C11orf96: variants seen among roughly 807,000 people sequenced by gnomAD.
The protein encoded by C11orf96 is uncharacterized protein C11orf96.
C11orf96 carries 6 observed loss-of-function variants against 7.6 expected under a neutral mutation model. That is an observed-to-expected ratio of 0.79 (90% CI 0.43 to 1.55). C11orf96 has a LOEUF of 1.55. C11orf96 is among the 40% of genes most tolerant of loss of function. C11orf96 has a pLI of 0.01. For synonymous variants in C11orf96, 72 were observed against 79.0 expected, an observed-to-expected ratio of 0.91 and a Z score of 0.47; for missense variants, 150 against 167.3, an observed-to-expected ratio of 0.90 and a Z score of 0.57.
chr11:43,943,826 A>T lies in C11orf96; in HGVS notation c.*553A>T, dbSNP rs535968687. 1.5e-6 allele frequency: 2 copies of T among 1,300,436 alleles called. No individual in the cohort carries two copies. The highest frequency in any genetic ancestry group is 3.0e-5 in the African/African-American group (2 of 65,796). The allele number at this position is 1,300,436 out of a possible 1,614,324, so 80.6% of individuals were successfully genotyped here. On this transcript the variant is annotated 3_prime_UTR_variant, in exon 1 of 1. Transcript: ENST00000617612. This position sits in a 1 kb window ranked among gnomAD's most constrained non-coding sequence, Gnocchi z 4.8. Reference sequence around the variant, plus strand: ...TTTATTTAACGATCTTTTTACCTGGATATGTCTGTGAGGCTCCTGAAAGGA... The same window carrying T: ...TTTATTTAACGATCTTTTTACCTGGTTATGTCTGTGAGGCTCCTGAAAGGA...
chr11:43,943,108 G>T lies in C11orf96; in HGVS notation c.204G>T (p.Glu68Asp). Residue 68 changes from glutamate (E) to aspartate (D), a missense_variant, in exon 1 of 1, where the codon GAG becomes GAT. Physicochemically the swap from Glu to Asp is conservative, Grantham distance 45. Coordinates refer to ENST00000617612, the MANE Select transcript of C11orf96 (RefSeq NM_001145033.2). The surrounding 1 kb of genome is among the most constrained non-coding windows in gnomAD (Gnocchi z 4.8). Reference sequence around the variant, plus strand: ...TCGACGAGATCCAGGAGGTGGAGGAGGAGGGGGTGTCCCCCATGGAGGAGG... The same window carrying T: ...TCGACGAGATCCAGGAGGTGGAGGATGAGGGGGTGTCCCCCATGGAGGAGG... ...VTFDEIQEVE[E>D]EGVSPMEEEK... 6.7e-7 allele frequency: 1 copy of T among 1,500,376 alleles called. No individual in the cohort carries two copies. The highest frequency in any genetic ancestry group is 8.9e-7 in the Non-Finnish European group (1 of 1,123,716). The allele number at this position is 1,500,376 out of a possible 1,614,324, so 92.9% of individuals were successfully genotyped here.
In C11orf96 at chr11:43,943,304, T is replaced by G; in HGVS notation, c.*31T>G. ...GCCGCCCGCGGGGGGGACGCGCGCG[T>G]CCGCGGTCCGCGCGGGGACCGGCGT... is the stretch of plus-strand genomic sequence containing the variant. On this transcript the variant is annotated 3_prime_UTR_variant, in exon 1 of 1. Transcript: ENST00000617612. This position sits in a 1 kb window ranked among gnomAD's most constrained non-coding sequence, Gnocchi z 4.8. 52 of 1,440,008 alleles carry G rather than the reference T, an allele frequency of 3.6e-5. No homozygotes were observed. The highest frequency in any genetic ancestry group is 6.0e-5 in the East Asian group (2 of 33,064). The allele number at this position is 1,440,008 out of a possible 1,614,324, so 89.2% of individuals were successfully genotyped here. A position where few individuals can be genotyped will look rare whatever the true frequency, so the allele number is the denominator to read the frequency against.
In C11orf96 at chr11:43,942,874, G is replaced by A. The variant is rs754972803; in HGVS notation, c.-31G>A. Reference sequence around the variant, plus strand: ...CGCCCTCGGAGAGCCCCGGCGCCCCGCCGCCCGGCCCCGCAGACGCCGGAG... The same window carrying A: ...CGCCCTCGGAGAGCCCCGGCGCCCCACCGCCCGGCCCCGCAGACGCCGGAG... On this transcript the variant is annotated 5_prime_UTR_variant, in exon 1 of 1. Coordinates refer to ENST00000617612, the MANE Select transcript of C11orf96 (RefSeq NM_001145033.2). 4 of 1,265,030 alleles carry A rather than the reference G, an allele frequency of 3.2e-6. No homozygotes were observed. Among genetic ancestry groups the A allele is most frequent in the African/African-American group, 1.6e-5 (1 of 63,970 alleles). The allele number at this position is 1,265,030 out of a possible 1,614,324, so 78.4% of individuals were successfully genotyped here. A position where few individuals can be genotyped will look rare whatever the true frequency, so the allele number is the denominator to read the frequency against.
At position 43,943,343 on chromosome 11, in the gene C11orf96, G is replaced by C; in HGVS notation, c.*70G>C. On this transcript the variant is annotated 3_prime_UTR_variant, in exon 1 of 1. Coordinates refer to ENST00000617612, the MANE Select transcript of C11orf96 (RefSeq NM_001145033.2). The surrounding 1 kb of genome is among the most constrained non-coding windows in gnomAD (Gnocchi z 4.8). ...GGGGACCGGCGTGTGAACCCCGAGA[G>C]TGCCCGCGCCCTGCTCCCGGGGGAC... 4 of 1,405,714 alleles carry C rather than the reference G, an allele frequency of 2.8e-6. No homozygotes were observed. Among genetic ancestry groups the C allele is most frequent in the Non-Finnish European group, 2.8e-6 (3 of 1,086,768 alleles). The allele number at this position is 1,405,714 out of a possible 1,614,324, so 87.1% of individuals were successfully genotyped here.
At position 43,943,645 on chromosome 11, in the gene C11orf96, G is replaced by A. The variant is rs1355352412; in HGVS notation, c.*372G>A. 5.4e-6 allele frequency: 7 copies of A among 1,305,400 alleles called. No homozygotes were observed. The highest frequency in any genetic ancestry group is 2.3e-5 in the Admixed American group (1 of 43,620). 80.9% of individuals were successfully genotyped at this position (1,305,400 alleles called of 1,614,324 possible). On this transcript the variant is annotated 3_prime_UTR_variant, in exon 1 of 1. Coordinates refer to ENST00000617612, the MANE Select transcript of C11orf96 (RefSeq NM_001145033.2). This position sits in a 1 kb window ranked among gnomAD's most constrained non-coding sequence, Gnocchi z 4.8. ...CTCCGATTTTGCACACCGCTCCACC[G>A]TGCCCCCCAGCGCACACCCATTCAC... is the stretch of plus-strand genomic sequence containing the variant.
chr11:43,943,459 G>T lies in C11orf96; in HGVS notation c.*186G>T. On this transcript the variant is annotated 3_prime_UTR_variant, in exon 1 of 1. Coordinates refer to ENST00000617612, the MANE Select transcript of C11orf96 (RefSeq NM_001145033.2). The surrounding 1 kb of genome is among the most constrained non-coding windows in gnomAD (Gnocchi z 4.8). ...TGCGCCCCTCGCCGCGCTCGCCCTG[G>T]CCCGGGAGCGCCGGGAGCGGGGCCG... 7.1e-7 allele frequency: 1 copy of T among 1,417,978 alleles called. No homozygotes were observed. Among genetic ancestry groups the T allele is most frequent in the South Asian group, 1.2e-5 (1 of 82,032 alleles). 87.8% of individuals were successfully genotyped at this position (1,417,978 alleles called of 1,614,324 possible). A position where few individuals can be genotyped will look rare whatever the true frequency, so the allele number is the denominator to read the frequency against.
At position 43,943,301 on chromosome 11, in the gene C11orf96, G is replaced by A. The variant is rs764237230; in HGVS notation, c.*28G>A. On this transcript the variant is annotated 3_prime_UTR_variant, in exon 1 of 1. Coordinates refer to ENST00000617612, the MANE Select transcript of C11orf96 (RefSeq NM_001145033.2). The surrounding 1 kb of genome is among the most constrained non-coding windows in gnomAD (Gnocchi z 4.8). ...GGCGCCGCCCGCGGGGGGGACGCGC[G>A]CGTCCGCGGTCCGCGCGGGGACCGG... 6.9e-6 allele frequency: 10 copies of A among 1,454,270 alleles called. No individual in the cohort carries two copies. Among genetic ancestry groups the A allele is most frequent in the Non-Finnish European group, 9.0e-6 (10 of 1,108,550 alleles). 90.1% of individuals were successfully genotyped at this position (1,454,270 alleles called of 1,614,324 possible). A position where few individuals can be genotyped will look rare whatever the true frequency, so the allele number is the denominator to read the frequency against.
At position 43,942,954 on chromosome 11, in the gene C11orf96, C is replaced by T; in HGVS notation, c.50C>T (p.Ala17Val). ...ATGGGCATCTGCTCCAGTTACCAGG[C>T]GGTGATGCCGCACTTCGTGTGCCTG... ...ELMGICSSYQ[A>V]VMPHFVCLAD... Residue 17 changes from alanine to valine, a missense_variant, in exon 1 of 1, where the codon GCG (alanine) becomes GTG (valine). By Grantham distance (64) the Ala-to-Val change is moderately conservative (BLOSUM62 0). Coordinates refer to ENST00000617612, the MANE Select transcript of C11orf96 (RefSeq NM_001145033.2). 1 of 1,475,746 alleles carries T rather than the reference C, an allele frequency of 6.8e-7. No individual in the cohort carries two copies. 91.4% of individuals were successfully genotyped at this position (1,475,746 alleles called of 1,614,324 possible).
chr11:43,943,138 G>A lies in C11orf96; in HGVS notation c.234G>A (p.Lys78=). The change falls in exon 1 of 1, where the codon AAG becomes AAA. Residue 78 remains lysine, a synonymous_variant. Transcript: ENST00000617612. This position sits in a 1 kb window ranked among gnomAD's most constrained non-coding sequence, Gnocchi z 4.8. ...EEGVSPMEEE[K]AKKSFLQSLE... is the part of the protein sequence containing the mutation. ...GGGTGTCCCCCATGGAGGAGGAGAA[G>A]GCCAAGAAGTCGTTCCTGCAGAGCC... The A allele has an allele frequency of 1.3e-6, 2 of 1,500,166 alleles. No individual in the cohort carries two copies. Among genetic ancestry groups the A allele is most frequent in the East Asian group, 2.7e-5 (1 of 36,572 alleles). The allele number at this position is 1,500,166 out of a possible 1,614,324, so 92.9% of individuals were successfully genotyped here. A position where few individuals can be genotyped will look rare whatever the true frequency, so the allele number is the denominator to read the frequency against.
Position 43,943,294 on chromosome 11 carries a change from G to T in C11orf96, c.*21G>T, listed in dbSNP as rs752814946. 1 of 1,462,198 alleles carries T rather than the reference G, an allele frequency of 6.8e-7. No individual in the cohort carries two copies. The highest frequency in any genetic ancestry group is 1.4e-5 in the South Asian group (1 of 72,488). 90.6% of individuals were successfully genotyped at this position (1,462,198 alleles called of 1,614,324 possible). On this transcript the variant is annotated 3_prime_UTR_variant, in exon 1 of 1. Transcript: ENST00000617612. This position sits in a 1 kb window ranked among gnomAD's most constrained non-coding sequence, Gnocchi z 4.8. Reference sequence around the variant, plus strand: ...TGTAAGGGGCGCCGCCCGCGGGGGGGACGCGCGCGTCCGCGGTCCGCGCGG... The same window carrying T: ...TGTAAGGGGCGCCGCCCGCGGGGGGTACGCGCGCGTCCGCGGTCCGCGCGG...
In C11orf96 at chr11:43,942,878, C is replaced by T. The variant is rs1565137543; in HGVS notation, c.-27C>T. ...CTCGGAGAGCCCCGGCGCCCCGCCGCCCGGCCCCGCAGACGCCGGAGGCGC... is the reference window on the plus strand; with the variant it reads ...CTCGGAGAGCCCCGGCGCCCCGCCGTCCGGCCCCGCAGACGCCGGAGGCGC... On this transcript the variant is annotated 5_prime_UTR_variant, in exon 1 of 1. Coordinates refer to ENST00000617612, the MANE Select transcript of C11orf96 (RefSeq NM_001145033.2). 1.6e-6 allele frequency: 2 copies of T among 1,289,160 alleles called. No homozygotes were observed. The highest frequency in any genetic ancestry group is 9.8e-7 in the Non-Finnish European group (1 of 1,018,930). The allele number at this position is 1,289,160 out of a possible 1,614,324, so 79.9% of individuals were successfully genotyped here. A position where few individuals can be genotyped will look rare whatever the true frequency, so the allele number is the denominator to read the frequency against.
Position 43,943,007 on chromosome 11 carries a change from C to A in C11orf96, c.103C>A (p.Pro35Thr), listed in dbSNP as rs1455776249. The change falls in exon 1 of 1, where the codon CCC becomes ACC. Residue 35 changes from proline (P) to threonine (T), a missense_variant. Pro to Thr is a conservative substitution (Grantham distance 38, BLOSUM62 -1). Coordinates refer to ENST00000617612, the MANE Select transcript of C11orf96 (RefSeq NM_001145033.2). This position sits in a 1 kb window ranked among gnomAD's most constrained non-coding sequence, Gnocchi z 4.8. ...CGACGAGTTCCCGCAGCCCGTGCGG[C>A]CCGCCAAGCTGCCCAAGGGCCGGGG... ...LADEFPQPVR[P>T]AKLPKGRGRL... 1.3e-6 allele frequency: 2 copies of A among 1,505,568 alleles called. No individual in the cohort carries two copies. Among genetic ancestry groups the A allele is most frequent in the East Asian group, 5.6e-5 (2 of 35,600 alleles). 93.3% of individuals were successfully genotyped at this position (1,505,568 alleles called of 1,614,324 possible).
In C11orf96 at chr11:43,943,697, CTT is replaced by C. The variant is rs1482819322; in HGVS notation, c.*427_*428del. 1 of 1,304,428 alleles carries C rather than the reference CTT, an allele frequency of 7.7e-7. No individual in the cohort carries two copies. The highest frequency in any genetic ancestry group is 1.2e-5 in the South Asian group (1 of 81,042). 80.8% of individuals were successfully genotyped at this position (1,304,428 alleles called of 1,614,324 possible). A position where few individuals can be genotyped will look rare whatever the true frequency, so the allele number is the denominator to read the frequency against. ...CTCACGCCAACACTCTCGCTGAACACTTTTATAATTGTTAGGCGTGGCCGTTG... is the reference window on the plus strand; with the variant it reads ...CTCACGCCAACACTCTCGCTGAACACTTATAATTGTTAGGCGTGGCCGTTG... On this transcript the variant is annotated 3_prime_UTR_variant, in exon 1 of 1. Transcript: ENST00000617612. This position sits in a 1 kb window ranked among gnomAD's most constrained non-coding sequence, Gnocchi z 4.8.
rs746726552 is a variant in C11orf96, at chr11:43,943,115, G to T, written c.211G>T (p.Val71Leu). ...GATCCAGGAGGTGGAGGAGGAGGGG[G>T]TGTCCCCCATGGAGGAGGAGAAGGC... ...DEIQEVEEEG[V>L]SPMEEEKAKK... is the part of the protein sequence containing the mutation. Residue 71 changes from valine to leucine, a missense_variant, in exon 1 of 1, where the codon GTG (valine) becomes TTG (leucine). Val to Leu is a conservative substitution (Grantham distance 32, BLOSUM62 1). This residue lies in a region of C11orf96 where 69 missense variants were observed against 69.1 expected (regional missense o/e 1.00). Transcript: ENST00000617612. The surrounding 1 kb of genome is among the most constrained non-coding windows in gnomAD (Gnocchi z 4.8). 3 of 1,498,518 alleles carry T rather than the reference G, an allele frequency of 2.0e-6. No homozygotes were observed. Among genetic ancestry groups the T allele is most frequent in the East Asian group, 2.8e-5 (1 of 35,760 alleles). 92.8% of individuals were successfully genotyped at this position (1,498,518 alleles called of 1,614,324 possible).
At position 43,943,393 on chromosome 11, in the gene C11orf96, C is replaced by G. The variant is rs1590393406; in HGVS notation, c.*120C>G. 2.1e-6 allele frequency: 3 copies of G among 1,399,664 alleles called. No individual in the cohort carries two copies. The highest frequency in any genetic ancestry group is 2.8e-6 in the Non-Finnish European group (3 of 1,078,172). The allele number at this position is 1,399,664 out of a possible 1,614,324, so 86.7% of individuals were successfully genotyped here. A position where few individuals can be genotyped will look rare whatever the true frequency, so the allele number is the denominator to read the frequency against. On this transcript the variant is annotated 3_prime_UTR_variant, in exon 1 of 1. Transcript: ENST00000617612. The surrounding 1 kb of genome is among the most constrained non-coding windows in gnomAD (Gnocchi z 4.8). Reference sequence around the variant, plus strand: ...CCCGCAAGGACCCGGGACCGCCGCTCCTCGCGCGCTCGGACTCCCGCCCCG... The same window carrying G: ...CCCGCAAGGACCCGGGACCGCCGCTGCTCGCGCGCTCGGACTCCCGCCCCG...
In C11orf96 at chr11:43,942,855, C is replaced by T. The variant is rs1169014392; in HGVS notation, c.-50C>T. ...GGGGCCCCGGCGCAGCGGCCGCCCTCGGAGAGCCCCGGCGCCCCGCCGCCC... is the reference window on the plus strand; with the variant it reads ...GGGGCCCCGGCGCAGCGGCCGCCCTTGGAGAGCCCCGGCGCCCCGCCGCCC... On this transcript the variant is annotated 5_prime_UTR_variant, in exon 1 of 1. Transcript: ENST00000617612. 3.3e-6 allele frequency: 4 copies of T among 1,211,638 alleles called. No individual in the cohort carries two copies. The East Asian group carries it at 1.4e-4, about 43-fold the overall frequency. The allele number at this position is 1,211,638 out of a possible 1,614,324, so 75.1% of individuals were successfully genotyped here. A position where few individuals can be genotyped will look rare whatever the true frequency, so the allele number is the denominator to read the frequency against.
Position 43,943,509 on chromosome 11 carries a change from AT to A in C11orf96, c.*242del. 2 of 1,355,754 alleles carry A rather than the reference AT, an allele frequency of 1.5e-6. No individual in the cohort carries two copies. The allele number at this position is 1,355,754 out of a possible 1,614,324, so 84.0% of individuals were successfully genotyped here. A position where few individuals can be genotyped will look rare whatever the true frequency, so the allele number is the denominator to read the frequency against. ...GCTTTCCTCGTCCTTGTAAATGTTT[AT>A]TTTTTAACTCTTCCCAGTGCGAACT... On this transcript the variant is annotated 3_prime_UTR_variant, in exon 1 of 1. Transcript: ENST00000617612. The surrounding 1 kb of genome is among the most constrained non-coding windows in gnomAD (Gnocchi z 4.8).
In C11orf96 at chr11:43,943,348, C is replaced by T. The variant is rs7524; in HGVS notation, c.*75C>T. ...CCGGCGTGTGAACCCCGAGAGTGCC[C>T]GCGCCCTGCTCCCGGGGGACCCGCA... On this transcript the variant is annotated 3_prime_UTR_variant, in exon 1 of 1. Transcript: ENST00000617612. The surrounding 1 kb of genome is among the most constrained non-coding windows in gnomAD (Gnocchi z 4.8). 94,976 of 1,395,576 alleles carry T rather than the reference C, an allele frequency of 0.068. 3,738 individuals are homozygous for T. Among genetic ancestry groups the T allele is most frequent in the East Asian group, 0.074 (2,406 of 32,710 alleles). 86.4% of individuals were successfully genotyped at this position (1,395,576 alleles called of 1,614,324 possible).
At position 43,943,607 on chromosome 11, in the gene C11orf96, C is replaced by G; in HGVS notation, c.*334C>G. ...CGGGTAGCCACTCCATGCCCTTGTC[C>G]GATGGTTTGCAACTCCGATTTTGCA... On this transcript the variant is annotated 3_prime_UTR_variant, in exon 1 of 1. Transcript: ENST00000617612. This position sits in a 1 kb window ranked among gnomAD's most constrained non-coding sequence, Gnocchi z 4.8. The G allele has an allele frequency of 7.6e-6, 10 of 1,307,556 alleles. No homozygotes were observed. The highest frequency in any genetic ancestry group is 1.2e-5 in the South Asian group (1 of 81,066). The allele number at this position is 1,307,556 out of a possible 1,614,324, so 81.0% of individuals were successfully genotyped here.
Sources: gnomAD v4.1 joint callset for allele counts on GRCh38, gnomAD v4.1.1 for gene constraint, gnomAD v4.1.1 regional missense constraint, Gnocchi (gnomAD v3.1) non-coding constraint, MANE v1.5 for transcripts, NCBI Gene and HGNC (gene_info 2026-07-23, HGNC 2026-07-21) for gene names.